The following SMURF1 variants were observed in gnomAD, a reference collection of about 807,000 sequenced individuals.
SMURF1 encodes SMAD specific E3 ubiquitin protein ligase 1.
In SMURF1, 44 loss-of-function variants were observed where a neutral mutation model predicts 98.0. The ratio of observed to expected loss-of-function variants is 0.45; its 90% CI spans 0.35 to 0.58. SMURF1 has a LOEUF of 0.58. Among genes scored for constraint, SMURF1 ranks in the 20% least tolerant of loss-of-function variants. The pLI, the probability that SMURF1 is intolerant of heterozygous loss-of-function variation, is 0.00. For synonymous variants in SMURF1, 396 were observed against 374.9 expected (o/e 1.06, Z -0.65); for missense variants, 687 against 938.4 (o/e 0.73, Z 3.50).
chr7:99,108,849 A>G (rs1489437874), intron 1 of SMURF1, among the ~76,000 whole-genome samples: 1 of 152,102 alleles, frequency 6.6e-6, no homozygotes, highest in African/African-American at 2.4e-5. Context: ...GACAAGAGTA[A>G]CAAATTTGTG....
At chr7:99,136,174 A>G (rs1797989560) in intron 1 of SMURF1, among the ~76,000 whole-genome samples, 1 of 152,160 alleles carries the variant, frequency 6.6e-6, no homozygotes. Context: ...AGCCTGGGCG[A>G]CAGAGCAAGA....
In SMURF1 at chr7:99,030,556, G is replaced by A. The variant is rs970419667; in HGVS notation, c.*28C>T. The A allele has an allele frequency of 1.6e-5, 25 of 1,601,868 alleles. No individual in the cohort carries two copies. The highest frequency in any genetic ancestry group is 2.7e-5 in the African/African-American group (2 of 74,690). ...GATGCTTTTGGTCTGGTGGCCATGA[G>A]CTAGACTCTGTTGCCTTTGGTTGCT... On this transcript the variant is annotated 3_prime_UTR_variant, in exon 18 of 18. Coordinates refer to ENST00000361368, the MANE Select transcript of SMURF1 (RefSeq NM_181349.3).
intron 3 of SMURF1, among the ~76,000 whole-genome samples, chr7:99,058,071 A>G (rs1158778196): frequency 2.0e-5 from 3 of 152,216 alleles, no homozygotes; most frequent in African/African-American, 7.2e-5. Context: ...GGGCAAATGT[A>G]GATAACCACA....
intron 5 of SMURF1, 66 bp downstream of exon 5, chr7:99,057,139 C>T (rs1320580885): frequency 4.5e-6 from 7 of 1,567,124 alleles, no homozygotes; most frequent in African/African-American, 1.4e-5. Context: ...TGTGAGTTCT[C>T]GGCGATGAAG....
intron 6 of SMURF1, among the ~76,000 whole-genome samples, chr7:99,053,744 A>G (rs973157447): frequency 6.6e-6 from 1 of 151,948 alleles, no homozygotes; most frequent in Non-Finnish European, 1.5e-5. Flanking sequence ...CTCTTTTGTG[A>G]TGTTGTTAGC....
chr7:99,099,259 A>G lies in SMURF1; in HGVS notation c.56-37422T>C, dbSNP rs1381283104. Reference sequence around the variant, plus strand: ...GCTATAAACTCTGGCACGGGAGTAGAAAATGAGAAGGAATGGAGAGAGGCA... The same window carrying G: ...GCTATAAACTCTGGCACGGGAGTAGGAAATGAGAAGGAATGGAGAGAGGCA... On this transcript the variant is annotated intron_variant, in intron 1 of 17. Transcript: ENST00000361368. Among the ~76,000 whole-genome samples the G allele has an allele frequency of 4.0e-5, 6 of 150,008 alleles. No homozygotes were observed. The East Asian group carries it at 1.2e-3, about 29-fold the overall frequency.
At chr7:99,042,648 G>A (rs1795431972) in intron 11 of SMURF1, among the ~76,000 whole-genome samples, 1 of 152,186 alleles carries the variant, frequency 6.6e-6, no homozygotes, top group African/African-American at 2.4e-5. Context: ...GTTAAAAACA[G>A]TCAAGCCAAA....
chr7:99,044,140 C>T (rs779651133), intron 11 of SMURF1, among the ~76,000 whole-genome samples: 2 of 152,078 alleles, frequency 1.3e-5, no homozygotes, highest in Non-Finnish European at 2.9e-5. Context: ...GGTGAAACCC[C>T]ATCTCTACTA....
intron 1 of SMURF1, among the ~76,000 whole-genome samples, chr7:99,063,237 TTA>T (rs10551722): frequency 0.64 from 49,353 of 76,832 alleles, 16,221 homozygotes; most frequent in Non-Finnish European, 0.74. Flanking sequence ...TATATAAGAT[TTA>T]TTTATATATA....
At chr7:99,055,090 CT>C (rs1325675940) in intron 5 of SMURF1, among the ~76,000 whole-genome samples, 2 of 152,114 alleles carry the variant, frequency 1.3e-5, no homozygotes, top group African/African-American at 4.8e-5. Context: ...GAAAAGGGTG[CT>C]ATGTTTCTCC....
chr7:99,078,281 GA>G (rs758770830), intron 1 of SMURF1, among the ~76,000 whole-genome samples: 7,266 of 106,348 alleles, frequency 0.068, 189 homozygotes, highest in Middle Eastern at 0.1. Context: ...CAGCCTGGGC[GA>G]AAAAAAAAAA....
intron 10 of SMURF1, 56 bp from the exon 11 acceptor site, chr7:99,045,857 G>T: frequency 7.1e-7 from 1 of 1,406,104 alleles, no homozygotes; most frequent in Non-Finnish European, 1.0e-6. Context: ...TTAAAGTTAT[G>T]AAAGGTCATT....
chr7:99,082,037 A>C (rs779677623), intron 1 of SMURF1, among the ~76,000 whole-genome samples: 8 of 152,142 alleles, frequency 5.3e-5, no homozygotes, highest in Non-Finnish European at 1.2e-4. Flanking sequence ...TGAGACTTTG[A>C]TGCTGAGCAT....
chr7:99,051,906 G>A (rs1274723548), intron 7 of SMURF1, among the ~76,000 whole-genome samples: 2 of 152,170 alleles, frequency 1.3e-5, no homozygotes, highest in Non-Finnish European at 2.9e-5. Flanking sequence ...CCCAGCACTT[G>A]GGCGGCTGAG....
chr7:99,065,721 C>T (rs1164173541), intron 1 of SMURF1, among the ~76,000 whole-genome samples: 1 of 152,120 alleles, frequency 6.6e-6, no homozygotes, highest in East Asian at 1.9e-4. Flanking sequence ...TCCCAGGATC[C>T]ATCAGTTCAG....
Position 99,114,024 on chromosome 7 carries a change from T to C in SMURF1, c.55+29702A>G, listed in dbSNP as rs145968288. Among the ~76,000 whole-genome samples the C allele has an allele frequency of 2.0e-4, 31 of 152,098 alleles. No homozygotes were observed. The East Asian group carries it at 6.0e-3, about 29-fold the overall frequency. ...CATAAAAATTATTACAAATACACAC[T>C]GATGAGCACATAATGTATAAAGATA... On this transcript the variant is annotated intron_variant, in intron 1 of 17. Coordinates refer to ENST00000361368, the MANE Select transcript of SMURF1 (RefSeq NM_181349.3).
At chr7:99,118,765 C>T (rs569462832) in intron 1 of SMURF1, among the ~76,000 whole-genome samples, 4 of 152,206 alleles carry the variant, frequency 2.6e-5, no homozygotes, top group African/African-American at 9.6e-5. Flanking sequence ...TAATTATACA[C>T]GTAAATTTTA....
At chr7:99,134,851 C>T (rs1003991771) in intron 1 of SMURF1, among the ~76,000 whole-genome samples, 3 of 152,110 alleles carry the variant, frequency 2.0e-5, no homozygotes, top group Non-Finnish European at 4.4e-5. Context: ...ACTATATAAA[C>T]AAGATCTAGA....
chr7:99,038,613 AC>A, intron 13 of SMURF1, 88 bp from the exon 14 acceptor site: 1 of 1,502,476 alleles, frequency 6.7e-7, no homozygotes, highest in East Asian at 2.3e-5. Context: ...CGACTGCCAA[AC>A]CCGGGGCTGC....
Sources: gnomAD v4.1 joint callset for allele counts (sites outside exome capture counted in the v4.1 genomes callset) on GRCh38, gnomAD v4.1.1 for gene constraint, MANE v1.5 for transcripts, NCBI Gene and HGNC (gene_info 2026-07-23, HGNC 2026-07-21) for gene names.